The following PODXL variants were observed in gnomAD, a reference collection of about 807,000 sequenced individuals.
PODXL encodes the protein podocalyxin like.
In PODXL, 20 loss-of-function variants were observed where a neutral mutation model predicts 48.9. The observed-to-expected ratio is 0.41, with a 90% CI of 0.29 to 0.59. The LOEUF is 0.59. Among genes scored for constraint, PODXL ranks in the 20% least tolerant of loss-of-function variants. PODXL has a pLI of 0.31. For synonymous variants in PODXL, 295 were observed against 287.4 expected, an observed-to-expected ratio of 1.03 and a Z score of -0.27; for missense variants, 606 against 675.1, an observed-to-expected ratio of 0.90 and a Z score of 1.13.
At chr7:131,523,678 C>CAAAAAAAAAAAAAAAAAAAAAAAAAA (rs753654977) in intron 1 of PODXL, among the ~76,000 whole-genome samples, 3 of 61,936 alleles carry the variant, frequency 4.8e-5, no homozygotes, top group African/African-American at 8.9e-5. Context: ...GAATCCGTCT[C>CAAAAAAAAAAAAAAAAAAAAAAAAAA]AAAAAAAAAA....
Position 131,508,979 on chromosome 7 carries a change from A to G in PODXL, c.1073T>C (p.Val358Ala). 1 of 1,613,988 alleles carries G rather than the reference A, an allele frequency of 6.2e-7. No homozygotes were observed. The highest frequency in any genetic ancestry group is 1.1e-5 in the South Asian group (1 of 91,082). Reference sequence around the variant, plus strand: ...GAGGGTGTTTCCTGTGAGGTTCAGGACGAGCTGCTTCTCACTCTGTGTCTG... The same window carrying G: ...GAGGGTGTTTCCTGTGAGGTTCAGGGCGAGCTGCTTCTCACTCTGTGTCTG... The part of the protein sequence containing the change: ...ETQTQSEKQL[V>A]LNLTGNTLCA... The change falls in exon 5 of 9, where the codon GTC becomes GCC. Residue 358 changes from valine (V) to alanine (A), a missense_variant. Physicochemically the swap from Val to Ala is moderately conservative, Grantham distance 64. Coordinates refer to ENST00000378555, the MANE Select transcript of PODXL (RefSeq NM_001018111.3).
At chr7:131,513,457 C>T (rs996673925) in intron 1 of PODXL, among the ~76,000 whole-genome samples, 5 of 152,190 alleles carry the variant, frequency 3.3e-5, no homozygotes, top group African/African-American at 1.2e-4. Flanking sequence ...CCAGCCAGCA[C>T]CCATACCATT....
At chr7:131,544,380 G>C (rs1416708505) in intron 1 of PODXL, among the ~76,000 whole-genome samples, 2 of 152,242 alleles carry the variant, frequency 1.3e-5, no homozygotes, top group Non-Finnish European at 2.9e-5. Flanking sequence ...TGTAAAGCCA[G>C]AGAATTTCCC....
intron 1 of PODXL, among the ~76,000 whole-genome samples, chr7:131,554,395 A>G (rs1475139722): frequency 1.3e-5 from 2 of 152,144 alleles, no homozygotes; most frequent in Non-Finnish European, 1.5e-5. Flanking sequence ...GCATACTATA[A>G]TGCATACAGT....
At chr7:131,544,510 A>G (rs1182508792) in intron 1 of PODXL, among the ~76,000 whole-genome samples, 2 of 152,134 alleles carry the variant, frequency 1.3e-5, no homozygotes, top group East Asian at 3.9e-4. Flanking sequence ...AGCCATGGAG[A>G]AGCAAAACCC....
intron 1 of PODXL, among the ~76,000 whole-genome samples, chr7:131,542,015 T>C (rs1339424139): frequency 3.3e-5 from 5 of 152,098 alleles, no homozygotes; most frequent in Non-Finnish European, 5.9e-5. Context: ...CTCAATGACA[T>C]ACACACACAC....
intron 1 of PODXL, among the ~76,000 whole-genome samples, chr7:131,532,740 G>A (rs1245044009): frequency 6.6e-6 from 1 of 152,164 alleles, no homozygotes; most frequent in East Asian, 1.9e-4. Flanking sequence ...CAGCGTGAAG[G>A]TCTTAGGAGG....
intron 1 of PODXL, among the ~76,000 whole-genome samples, chr7:131,549,188 G>A (rs559979429): frequency 2.0e-4 from 31 of 152,198 alleles, no homozygotes; most frequent in African/African-American, 2.6e-4. Context: ...GAGCAGCCCC[G>A]GTAGGCCTCT....
rs997120550 is a variant in PODXL at position 131,539,484 on chromosome 7, C to T, written c.100+16776G>A. ...TAGCTGGGATTACAGGCACGCACCA[C>T]CACGCTCAGCTCATTTTTGTATTTT... is the stretch of plus-strand genomic sequence containing the variant. On this transcript the variant is annotated intron_variant, in intron 1 of 8. Coordinates refer to ENST00000378555, the MANE Select transcript of PODXL (RefSeq NM_001018111.3). 4.6e-5 allele frequency among the ~76,000 whole-genome samples: 7 copies of T among 152,260 alleles called. No homozygotes were observed. The South Asian group carries it at 1.5e-3, about 32-fold the overall frequency.
intron 1 of PODXL, among the ~76,000 whole-genome samples, chr7:131,512,338 A>G (rs1233311920): frequency 6.6e-6 from 1 of 152,176 alleles, no homozygotes; most frequent in Non-Finnish European, 1.5e-5. Flanking sequence ...CAGCCGTCAA[A>G]TCTGCTTACT....
intron 1 of PODXL, among the ~76,000 whole-genome samples, chr7:131,523,888 T>C (rs1798132854): frequency 6.7e-6 from 1 of 148,744 alleles, no homozygotes; most frequent in African/African-American, 2.5e-5. Flanking sequence ...AACCTCCGCC[T>C]CCCGGGTTCA....
chr7:131,504,247 A>G lies in PODXL; in HGVS notation c.*64T>C, dbSNP rs140640036. On this transcript the variant is annotated 3_prime_UTR_variant, in exon 9 of 9. Coordinates refer to ENST00000378555, the MANE Select transcript of PODXL (RefSeq NM_001018111.3). Reference sequence around the variant, plus strand: ...CCCCAGTCTTTCCCTTCCCCATCCAAACGGCACTTGGGGTGGTTGGTCTGG... The same window carrying G: ...CCCCAGTCTTTCCCTTCCCCATCCAGACGGCACTTGGGGTGGTTGGTCTGG... 4.7e-4 allele frequency: 650 copies of G among 1,397,528 alleles called. 4 individuals carry two copies. In the East Asian group the frequency reaches 0.014, roughly 31 times the overall value. 86.6% of individuals were successfully genotyped at this position (1,397,528 alleles called of 1,614,324 possible). A position where few individuals can be genotyped will look rare whatever the true frequency, so the allele number is the denominator to read the frequency against.
In PODXL at chr7:131,511,448, A is replaced by C; in HGVS notation, c.101-15T>G. The C allele has an allele frequency of 1.3e-6, 2 of 1,599,376 alleles. No homozygotes were observed. The highest frequency in any genetic ancestry group is 1.7e-6 in the Non-Finnish European group (2 of 1,179,694). On this transcript the variant is annotated splice_polypyrimidine_tract_variant and intron_variant, in intron 1 of 8. Transcript: ENST00000378555. ...AGTCTGGGTTGCTGTTTGTAAAGAT[A>C]ACAGAGAATGGAGTTAGGGCTGGGA...
rs1470283410 is a variant in PODXL at position 131,502,510 on chromosome 7, C to A, written c.*1801G>T. On this transcript the variant is annotated 3_prime_UTR_variant, in exon 9 of 9. Coordinates refer to ENST00000378555, the MANE Select transcript of PODXL (RefSeq NM_001018111.3). ...GGACAGATCTTCCCCAGCCCCTCCCCCTACCCTTTTAAAAAGTAAGCCATC... is the reference window on the plus strand; with the variant it reads ...GGACAGATCTTCCCCAGCCCCTCCCACTACCCTTTTAAAAAGTAAGCCATC... 3 of 152,218 alleles carry A rather than the reference C, an allele frequency of 2.0e-5. No individual in the cohort carries two copies. The highest frequency in any genetic ancestry group is 4.8e-5 in the African/African-American group (2 of 41,400). 9.4% of individuals were successfully genotyped at this position (152,218 alleles called of 1,614,324 possible). A position where few individuals can be genotyped will look rare whatever the true frequency, so the allele number is the denominator to read the frequency against.
chr7:131,526,207 T>TA lies in PODXL; in HGVS notation c.101-14775dup, dbSNP rs60181385. ...GTAATGTCAGAAAATAAAGAAGTGCTAAAAAAAATAAAAATGAAACGAAGA... is the reference window on the plus strand; with the variant it reads ...GTAATGTCAGAAAATAAAGAAGTGCTAAAAAAAAATAAAAATGAAACGAAGA... On this transcript the variant is annotated intron_variant, in intron 1 of 8. Transcript: ENST00000378555. Among the ~76,000 whole-genome samples, 1,043 of 151,836 alleles carry TA rather than the reference T, an allele frequency of 6.9e-3. 17 individuals are homozygous for TA. The highest frequency in any genetic ancestry group is 0.023 in the African/African-American group (960 of 41,340).
chr7:131,519,620 G>C (rs1434933115), intron 1 of PODXL, among the ~76,000 whole-genome samples: 1 of 151,568 alleles, frequency 6.6e-6, no homozygotes, highest in Non-Finnish European at 1.5e-5. Flanking sequence ...AAAATCCAAA[G>C]GCATAAGTAA....
intron 1 of PODXL, among the ~76,000 whole-genome samples, chr7:131,538,352 C>T (rs1798418257): frequency 6.6e-6 from 1 of 152,206 alleles, no homozygotes; most frequent in Admixed American, 6.5e-5. Context: ...GCCTCATCCT[C>T]CATCATGCCC....
Position 131,511,104 on chromosome 7 carries a change from TAGGTTTAGCTGTG to T in PODXL, c.417_429del (p.Ala141ProfsTer22). The T allele has an allele frequency of 1.2e-6, 2 of 1,613,984 alleles. No individual in the cohort carries two copies. The highest frequency in any genetic ancestry group is 1.7e-6 in the Non-Finnish European group (2 of 1,180,002). ...GCTCCATTCTGGCTGCTTGTGGTGT[TAGGTTTAGCTGTG>T]GCTGTGGAGGTTGCAACTGTAGTGG... On this transcript the variant is annotated frameshift_variant, in exon 2 of 9. Transcript: ENST00000378555. LOFTEE classifies it high-confidence loss of function.
At chr7:131,507,454 G>A (rs3800684) in intron 5 of PODXL, among the ~76,000 whole-genome samples, 2 of 151,982 alleles carry the variant, frequency 1.3e-5, no homozygotes, top group African/African-American at 4.8e-5. Flanking sequence ...ATCCAGTCCT[G>A]CCATGCCATC....
Sources: allele counts gnomAD v4.1 joint callset (sites outside exome capture counted in the v4.1 genomes callset), GRCh38; gene constraint gnomAD v4.1.1; transcripts MANE v1.5; gene names NCBI Gene and HGNC (gene_info 2026-07-23, HGNC 2026-07-21).